Variants in NRXN1 observed in about 807,000 individuals in gnomAD.
NRXN1 encodes the protein neurexin 1, also known as neurexin-1.
NRXN1 carries 39 observed loss-of-function variants against 150.9 expected under a neutral mutation model. The observed-to-expected ratio is 0.26, with a 90% confidence interval of 0.20 to 0.34. The LOEUF is 0.34. NRXN1 is among the 10% of genes least tolerant of loss of function. The pLI is 1.00. For synonymous variants in NRXN1, 924 were observed against 757.0 expected (o/e 1.22, Z -3.62); for missense variants, 1,815 against 1,949.9 (o/e 0.93, Z 1.30).
chr2:50,897,550 TA>T (rs1321704780), intron 5 of NRXN1, among the ~76,000 whole-genome samples: 5 of 152,150 alleles, frequency 3.3e-5, no homozygotes, highest in African/African-American at 1.2e-4. Context: ...AACATACACA[TA>T]AAAACATAAT....
At chr2:50,364,835 T>G (rs892207740) in intron 17 of NRXN1, among the ~76,000 whole-genome samples, 6 of 152,080 alleles carry the variant, frequency 3.9e-5, no homozygotes, top group Admixed American at 2.6e-4. Context: ...TTTGTACTGT[T>G]AAATCAAAGT....
At chr2:50,790,547 GGAGA>G (rs1349421443) in intron 5 of NRXN1, among the ~76,000 whole-genome samples, 2 of 152,118 alleles carry the variant, frequency 1.3e-5, no homozygotes, top group African/African-American at 4.8e-5. Context: ...CTTGAACCTG[GGAGA>G]GAGAGGTTGC....
chr2:50,071,640 A>G, intron 19 of NRXN1, among the ~76,000 whole-genome samples: 1 of 152,206 alleles, frequency 6.6e-6, no homozygotes, highest in Admixed American at 6.5e-5. Flanking sequence ...GAACTGTGAG[A>G]GAATAAATTT....
At chr2:50,324,254 A>C (rs2076237923) in intron 17 of NRXN1, among the ~76,000 whole-genome samples, 1 of 152,238 alleles carries the variant, frequency 6.6e-6, no homozygotes, top group Non-Finnish European at 1.5e-5. Flanking sequence ...AAACACACAG[A>C]AGGCAAAATC....
At chr2:50,545,275 A>G (rs1356783227) in intron 9 of NRXN1, among the ~76,000 whole-genome samples, 15 of 152,264 alleles carry the variant, frequency 9.9e-5, no homozygotes, top group Admixed American at 9.8e-4. Context: ...ACAGCAATGT[A>G]TAGACACATA....
chr2:50,110,249 G>T (rs934994384), intron 18 of NRXN1, among the ~76,000 whole-genome samples: 2 of 152,058 alleles, frequency 1.3e-5, no homozygotes, highest in African/African-American at 2.4e-5. Context: ...CCAGCACTTT[G>T]GGAGGCTGAG....
intron 18 of NRXN1, among the ~76,000 whole-genome samples, chr2:50,141,802 C>T (rs1325189113): frequency 1.3e-5 from 2 of 151,964 alleles, no homozygotes; most frequent in Non-Finnish European, 2.9e-5. Context: ...AAAGACAAAA[C>T]AGATGCTGGT....
intron 21 of NRXN1, among the ~76,000 whole-genome samples, chr2:50,027,196 C>A (rs1688470654): frequency 6.6e-6 from 1 of 151,850 alleles, no homozygotes; most frequent in Admixed American, 6.6e-5. Context: ...TTACTTTTTT[C>A]ATTGACTCTC....
chr2:51,027,142 A>G (rs1357840721), intron 2 of NRXN1, among the ~76,000 whole-genome samples: 1 of 152,240 alleles, frequency 6.6e-6, no homozygotes, highest in Non-Finnish European at 1.5e-5. Context: ...TAGAAGTGGT[A>G]GAGACAAGTA....
intron 5 of NRXN1, among the ~76,000 whole-genome samples, chr2:50,745,130 G>C (rs534688789): frequency 2.0e-5 from 3 of 151,986 alleles, no homozygotes; most frequent in Non-Finnish European, 4.4e-5. Flanking sequence ...AGGCAACCTT[G>C]GGCAAGCATT....
chr2:50,497,591 A>G lies in NRXN1; in HGVS notation c.2621T>C (p.Phe874Ser). ...CAGGTCAATGTATGCCATTCCATTA[A>G]ATGTCAAGCTCTGCAGGTGTCCAAT... Reference protein sequence around the residue: ...NFIGHLQSLTFNGMAYIDLCK... With the variant: ...NFIGHLQSLTSNGMAYIDLCK... The change falls in exon 14 of 23, where the codon TTT becomes TCT. Residue 874 changes from phenylalanine to serine, a missense_variant. This residue lies in a region of NRXN1 where 638 missense variants were observed against 652.6 expected (regional missense o/e 0.98). Transcript: ENST00000401669. 1 of 1,613,918 alleles carries G rather than the reference A, an allele frequency of 6.2e-7. No individual in the cohort carries two copies. The highest frequency in any genetic ancestry group is 8.5e-7 in the Non-Finnish European group (1 of 1,179,854).
rs538378430 is a variant in NRXN1 at position 50,895,904 on chromosome 2, C to A, written c.832+25965G>T. Reference sequence around the variant, plus strand: ...CTATGCAAGAAATTTTATGTAAGGGCATTGACATTCCAAACGATTATTAAA... The same window carrying A: ...CTATGCAAGAAATTTTATGTAAGGGAATTGACATTCCAAACGATTATTAAA... On this transcript the variant is annotated intron_variant, in intron 5 of 22. Coordinates refer to ENST00000401669, the MANE Select transcript of NRXN1 (RefSeq NM_001330078.2). Among the ~76,000 whole-genome samples, 5 of 152,056 alleles carry A rather than the reference C, an allele frequency of 3.3e-5. No individual in the cohort carries two copies. The East Asian group carries it at 9.7e-4, about 30-fold the overall frequency.
rs1191478388 is a variant in NRXN1 at position 49,922,239 on chromosome 2, C to T, written c.4229G>A (p.Arg1410Gln). The change falls in exon 23 of 23, where the codon CGA becomes CAA. Residue 1410 changes from arginine to glutamine, a missense_variant. Physicochemically the swap from Arg to Gln is conservative, Grantham distance 43 (BLOSUM62 1). Transcript: ENST00000401669. ...PSSGGLANPTRAGGREPYPGS... is the reference protein window; with the variant it reads ...PSSGGLANPTQAGGREPYPGS... ...TGGATACGGCTCTCTGCCGCCTGCT[C>T]GGGTTGGGTTGGCTATAGAAAAGAG... is the stretch of plus-strand genomic sequence containing the variant. 2.1e-5 allele frequency: 34 copies of T among 1,613,544 alleles called. No individual in the cohort carries two copies. The highest frequency in any genetic ancestry group is 5.3e-5 in the African/African-American group (4 of 74,910).
At chr2:50,565,903 T>C (rs985439757) in intron 8 of NRXN1, among the ~76,000 whole-genome samples, 1 of 152,216 alleles carries the variant, frequency 6.6e-6, no homozygotes, top group Non-Finnish European at 1.5e-5. Context: ...AGGCTTGTTC[T>C]TGATTTCTCC....
At chr2:50,733,141 G>A (rs1698301042) in intron 5 of NRXN1, among the ~76,000 whole-genome samples, 1 of 152,114 alleles carries the variant, frequency 6.6e-6, no homozygotes, top group African/African-American at 2.4e-5. Flanking sequence ...AACATTTGGA[G>A]CTTTAAATGA....
chr2:49,977,796 G>T (rs1573179770), intron 21 of NRXN1, among the ~76,000 whole-genome samples: 1 of 152,142 alleles, frequency 6.6e-6, no homozygotes, highest in African/African-American at 2.4e-5. Flanking sequence ...ATTAAAGTGA[G>T]AAATTAACCT....
chr2:49,944,144 T>A (rs1340747996), intron 21 of NRXN1, among the ~76,000 whole-genome samples: 1 of 152,208 alleles, frequency 6.6e-6, no homozygotes, highest in Non-Finnish European at 1.5e-5. Context: ...TGCTACAATG[T>A]ATGCATCAGT....
intron 18 of NRXN1, among the ~76,000 whole-genome samples, chr2:50,166,224 T>C (rs2678222): frequency 2.0e-5 from 3 of 150,970 alleles, no homozygotes; most frequent in Non-Finnish European, 2.9e-5. Context: ...CTGAAGAAAA[T>C]CCAAAATCTG....
intron 18 of NRXN1, among the ~76,000 whole-genome samples, chr2:50,202,857 C>T (rs900550101): frequency 2.0e-5 from 3 of 150,318 alleles, no homozygotes; most frequent in Non-Finnish European, 3.0e-5. Context: ...AACTGATCCA[C>T]ATTTTTTTTT....
Sources: gnomAD v4.1 joint callset for allele counts (sites outside exome capture counted in the v4.1 genomes callset) on GRCh38, gnomAD v4.1.1 for gene constraint, gnomAD v4.1.1 regional missense constraint, MANE v1.5 for transcripts, NCBI Gene and HGNC (gene_info 2026-07-23, HGNC 2026-07-21) for gene names.